SLC41A1: variants seen among roughly 807,000 people sequenced by gnomAD.
SLC41A1 encodes solute carrier family 41 member 1, also known as solute carrier family 41 (magnesium transporter), member 1.
A neutral mutation model predicts 47.3 loss-of-function variants in SLC41A1; 20 were observed. That is an observed-to-expected ratio of 0.42 (90% CI 0.30 to 0.61). The LOEUF is 0.61. SLC41A1 is among the 20% of genes least tolerant of loss of function. The pLI is 0.17. For synonymous variants in SLC41A1, 282 were observed against 272.7 expected (o/e 1.03, Z -0.34); for missense variants, 504 against 674.1 (o/e 0.75, Z 2.79).
In SLC41A1 at chr1:205,795,013, T is replaced by G; in HGVS notation, c.1213A>C (p.Asn405His). The change falls in exon 10 of 11, where the codon AAT (asparagine) becomes CAT (histidine). Residue 405 changes from asparagine (N) to histidine (H), a missense_variant. Coordinates refer to ENST00000367137, the MANE Select transcript of SLC41A1 (RefSeq NM_173854.6). ...AAGAGGACCCGGGCTGAGCGAGAAT[T>G]CACATCTGGAATTGGGGAAAAGAGG... is the stretch of plus-strand genomic sequence containing the variant. ...PCTTFFSPDV[N>H]SRSARVLFLL... The G allele has an allele frequency of 6.2e-7, 1 of 1,613,850 alleles. No homozygotes were observed. The highest frequency in any genetic ancestry group is 8.5e-7 in the Non-Finnish European group (1 of 1,179,964).
chr1:205,799,845 G>A lies in SLC41A1; in HGVS notation c.481-15C>T, dbSNP rs1052293020. ...CCAATGTTGGCCTGGGAAAGGGAGG[G>A]CAAGGGGCTGGAGCTTCAGGCTGGA... On this transcript the variant is annotated splice_polypyrimidine_tract_variant and intron_variant, in intron 3 of 10. Coordinates refer to ENST00000367137, the MANE Select transcript of SLC41A1 (RefSeq NM_173854.6). The A allele has an allele frequency of 6.2e-6, 10 of 1,613,556 alleles. No homozygotes were observed. In the African/African-American group the frequency reaches 1.3e-4, roughly 22 times the overall value.
Position 205,798,804 on chromosome 1 carries a change from T to A in SLC41A1, c.709A>T (p.Ile237Phe), listed in dbSNP as rs1166896396. ...TTGCGAGAGCCAATGATGACTCCAA[T>A]CATGATCATACCTGGTGAGCAAGTG... Reference protein sequence around the residue: ...IASLVLGMIMIGVIIGSRKIG... With the variant: ...IASLVLGMIMFGVIIGSRKIG... Residue 237 changes from isoleucine to phenylalanine, a missense_variant, in exon 6 of 11, where the codon ATT (isoleucine) becomes TTT (phenylalanine). Ile to Phe is a conservative substitution (Grantham distance 21). Coordinates refer to ENST00000367137, the MANE Select transcript of SLC41A1 (RefSeq NM_173854.6). 1 of 1,613,886 alleles carries A rather than the reference T, an allele frequency of 6.2e-7. No homozygotes were observed. Among genetic ancestry groups the A allele is most frequent in the Non-Finnish European group, 8.5e-7 (1 of 1,180,002 alleles).
rs549023325 is a variant in SLC41A1, at chr1:205,810,721, T to A, written c.-280A>T. ...GCCTGACTCCAACCCACCAGCTCTG[T>A]GCTTGAAGAAAAAGTATCTGTCCTC... is the stretch of plus-strand genomic sequence containing the variant. On this transcript the variant is annotated 5_prime_UTR_variant, in exon 2 of 11. Coordinates refer to ENST00000367137, the MANE Select transcript of SLC41A1 (RefSeq NM_173854.6). The surrounding 1 kb of genome is among the most constrained non-coding windows in gnomAD (Gnocchi z 5.5). 6 of 512,710 alleles carry A rather than the reference T, an allele frequency of 1.2e-5. No individual in the cohort carries two copies. The highest frequency in any genetic ancestry group is 7.7e-5 in the African/African-American group (4 of 52,144). The allele number at this position is 512,710 out of a possible 1,614,324, so 31.8% of individuals were successfully genotyped here.
Position 205,810,073 on chromosome 1 carries a change from C to T in SLC41A1, c.369G>A (p.Val123=). Residue 123 remains valine, a synonymous_variant, in exon 2 of 11, where the codon GTG becomes GTA. Coordinates refer to ENST00000367137, the MANE Select transcript of SLC41A1 (RefSeq NM_173854.6). This position sits in a 1 kb window ranked among gnomAD's most constrained non-coding sequence, Gnocchi z 5.5. ...AGCTGCCCTACTCAGGTCCTACCTGCACGATGTCCAACACCATGCCAGCAG... is the reference window on the plus strand; with the variant it reads ...AGCTGCCCTACTCAGGTCCTACCTGTACGATGTCCAACACCATGCCAGCAG... The part of the protein sequence containing the change: ...TVAAGMVLDI[V]QHWEVFQKVT... The T allele has an allele frequency of 6.2e-7, 1 of 1,614,212 alleles. No individual in the cohort carries two copies.
chr1:205,798,920 C>A, intron 5 of SLC41A1, 37 bp downstream of exon 5: 3 of 1,614,060 alleles, frequency 1.9e-6, no homozygotes, highest in Non-Finnish European at 2.5e-6. Context: ...TTCTCTGGGG[C>A]GGCACTCCTT....
Position 205,796,910 on chromosome 1 carries a change from T to C in SLC41A1, c.1072+14A>G. 3.7e-6 allele frequency: 6 copies of C among 1,610,440 alleles called. No homozygotes were observed. In the Admixed American group the frequency reaches 1.0e-4, roughly 27 times the overall value. On this transcript the variant is annotated intron_variant, in intron 8 of 10. Transcript: ENST00000367137. ...CCCAGCCCTGCCCTCTGATAGCTGA[T>C]GCCCAGACCTCACCATTAATCACAG...
At chr1:205,811,889 C>T (rs1656164348) in intron 1 of SLC41A1, among the ~76,000 whole-genome samples, 1 of 152,224 alleles carries the variant, frequency 6.6e-6, no homozygotes, top group African/African-American at 2.4e-5. Context: ...GAGCATAAAA[C>T]GATTGCTTAT....
chr1:205,800,986 C>T lies in SLC41A1; in HGVS notation c.447G>A (p.Leu149=). The stretch of plus-strand genomic sequence containing the variant: ...AAAGCCTTGATGCCAGGGTCATTTC[C>T]AGGTTCCCTTTGAGCCCCAGCAGCG... ...VPALLGLKGN[L]EMTLASRLST... Residue 149 remains leucine (L), a synonymous_variant, in exon 3 of 11, where the codon CTG becomes CTA. Coordinates refer to ENST00000367137, the MANE Select transcript of SLC41A1 (RefSeq NM_173854.6). The T allele has an allele frequency of 6.2e-7, 1 of 1,614,192 alleles. No homozygotes were observed. The highest frequency in any genetic ancestry group is 8.5e-7 in the Non-Finnish European group (1 of 1,180,028).
At chr1:205,809,044 G>A (rs1319931534) in intron 2 of SLC41A1, among the ~76,000 whole-genome samples, 1 of 152,178 alleles carries the variant, frequency 6.6e-6, no homozygotes, top group African/African-American at 2.4e-5. Flanking sequence ...AAAAAGCAAA[G>A]GCCAGATCTC....
Position 205,810,566 on chromosome 1 carries a change from C to T in SLC41A1, c.-125G>A. 1 of 1,465,980 alleles carries T rather than the reference C, an allele frequency of 6.8e-7. No homozygotes were observed. Among genetic ancestry groups the T allele is most frequent in the East Asian group, 2.3e-5 (1 of 43,924 alleles). 90.8% of individuals were successfully genotyped at this position (1,465,980 alleles called of 1,614,324 possible). A position where few individuals can be genotyped will look rare whatever the true frequency, so the allele number is the denominator to read the frequency against. ...AGGCTTGGGCGCCGCAGGACCTCTT[C>T]CCACGGCTCTCCACTCCTACCAGGC... On this transcript the variant is annotated 5_prime_UTR_variant, in exon 2 of 11. Transcript: ENST00000367137. This position sits in a 1 kb window ranked among gnomAD's most constrained non-coding sequence, Gnocchi z 5.5.
intron 2 of SLC41A1, among the ~76,000 whole-genome samples, chr1:205,802,441 G>A (rs957249939): frequency 6.6e-6 from 1 of 152,222 alleles, no homozygotes; most frequent in African/African-American, 2.4e-5. Flanking sequence ...CAGTGGCCGA[G>A]CGCAGCGGCT....
chr1:205,803,470 T>C (rs73080400), intron 2 of SLC41A1, among the ~76,000 whole-genome samples: 23,989 of 151,922 alleles, frequency 0.16, 2,589 homozygotes, highest in African/African-American at 0.31. Context: ...GTGTGGTACA[T>C]ATATACCATG....
chr1:205,796,639 T>C (rs1655756838), intron 8 of SLC41A1: 1 of 495,394 alleles, frequency 2.0e-6, no homozygotes, highest in Middle Eastern at 5.6e-4. Flanking sequence ...GTTTCAAGTA[T>C]TCTGTTCTAG....
At chr1:205,801,957 C>T (rs753554870) in intron 2 of SLC41A1, among the ~76,000 whole-genome samples, 12 of 152,182 alleles carry the variant, frequency 7.9e-5, no homozygotes, top group Non-Finnish European at 2.9e-5. Context: ...GACAGTATTC[C>T]ACTAGTTAGT....
Position 205,799,729 on chromosome 1 carries a change from GCCCACCCTCTCTGGT to G in SLC41A1, c.552+15_552+29del, listed in dbSNP as rs770035739. ...AGATTCCTGACTAAGGGGAAGCTTA[GCCCACCCTCTCTGGT>G]CCCTGCCTTCTTACCTGGATGAGGG... On this transcript the variant is annotated intron_variant, in intron 4 of 10. Coordinates refer to ENST00000367137, the MANE Select transcript of SLC41A1 (RefSeq NM_173854.6). The G allele has an allele frequency of 2.5e-6, 4 of 1,611,910 alleles. No individual in the cohort carries two copies. The highest frequency in any genetic ancestry group is 3.4e-6 in the Non-Finnish European group (4 of 1,178,336).
At chr1:205,804,848 G>A (rs924909201) in intron 2 of SLC41A1, among the ~76,000 whole-genome samples, 1 of 152,116 alleles carries the variant, frequency 6.6e-6, no homozygotes, top group East Asian at 1.9e-4. Flanking sequence ...TAATGTACAT[G>A]TACTCATAGA....
At chr1:205,796,885 C>G in intron 8 of SLC41A1, 39 bp downstream of exon 8, 1 of 1,595,600 alleles carries the variant, frequency 6.3e-7, no homozygotes, top group Non-Finnish European at 8.6e-7. Context: ...CTTTCCTTCC[C>G]CCAGCCCTGC....
At chr1:205,801,319 A>G (rs1490294011) in intron 2 of SLC41A1, 3 of 441,860 alleles carry the variant, frequency 6.8e-6, no homozygotes, top group African/African-American at 2.0e-5. Flanking sequence ...GTCTGGCCCT[A>G]CCTTTTCTGT....
intron 10 of SLC41A1, among the ~76,000 whole-genome samples, chr1:205,794,194 A>G (rs1655690044): frequency 6.6e-6 from 1 of 152,222 alleles, no homozygotes; most frequent in African/African-American, 2.4e-5. Context: ...CTGAATAAGC[A>G]CTGCAGATTG....
Sources: gnomAD v4.1 joint callset for allele counts (sites outside exome capture counted in the v4.1 genomes callset) on GRCh38, gnomAD v4.1.1 for gene constraint, Gnocchi (gnomAD v3.1) non-coding constraint, MANE v1.5 for transcripts, NCBI Gene and HGNC (gene_info 2026-07-23, HGNC 2026-07-21) for gene names.